The following DMD variants were observed in gnomAD, a reference collection of about 807,000 sequenced individuals.
DMD encodes the protein mutant dystrophin.
A neutral mutation model predicts 330.1 loss-of-function variants in DMD; 63 were observed. That is an observed-to-expected ratio of 0.19 (90% CI 0.16 to 0.24). DMD has a LOEUF of 0.24. DMD is among the 10% of genes least tolerant of loss of function. The pLI, the probability that DMD is intolerant of heterozygous loss-of-function variation, is 1.00. For missense variants in DMD, 3,344 were observed against 2,684.1 expected, an observed-to-expected ratio of 1.25 and a Z score of -5.43; for synonymous variants, 1,223 against 959.8, an observed-to-expected ratio of 1.27 and a Z score of -5.07.
intron 44 of DMD, chrX:32,151,288 G>A (rs1231346591): frequency 1.8e-5 from 2 of 111,497 alleles, no homozygotes; most frequent in East Asian, 2.8e-4. Flanking sequence ...GCTAAGAAAC[G>A]GATAGGATGA....
chrX:31,389,497 T>C (rs777519825), intron 60 of DMD, among the ~76,000 whole-genome samples: 2 of 112,092 alleles, frequency 1.8e-5, no homozygotes, highest in Admixed American at 9.5e-5. Flanking sequence ...ATGAACAATA[T>C]TTACCATTCC....
intron 44 of DMD, among the ~76,000 whole-genome samples, chrX:32,191,348 A>G (rs1001154582): frequency 8.9e-6 from 1 of 112,088 alleles, no homozygotes; most frequent in African/African-American, 3.2e-5. Flanking sequence ...TAGATGACAC[A>G]GCGTCGAGGC....
intron 16 of DMD, among the ~76,000 whole-genome samples, chrX:32,553,053 A>G (rs1408400630): frequency 1.8e-5 from 2 of 111,955 alleles, no homozygotes; most frequent in African/African-American, 3.2e-5. Context: ...CGACCCAGCA[A>G]TAACAATTAT....
chrX:33,282,050 T>A (rs2053341698), intron 1 of DMD, among the ~76,000 whole-genome samples: 1 of 109,903 alleles, frequency 9.1e-6, no homozygotes, highest in South Asian at 4.0e-4. Context: ...CTCATGGCCA[T>A]AGCGTCCAAC....
At chrX:32,051,693 T>C (rs1250743391) in intron 44 of DMD, among the ~76,000 whole-genome samples, 1 of 111,098 alleles carries the variant, frequency 9.0e-6, no homozygotes, top group Non-Finnish European at 1.9e-5. Context: ...AACTAAAATA[T>C]TTTCATGTGC....
chrX:32,787,237 TGTGTGTGTGTGA>T (rs1468771546), intron 7 of DMD, among the ~76,000 whole-genome samples: 3 of 100,918 alleles, frequency 3.0e-5, no homozygotes, highest in Non-Finnish European at 4.1e-5. Flanking sequence ...TGTGTGTGTG[TGTGTGTGTGTGA>T]GAGAGAGAGA....
intron 63 of DMD, among the ~76,000 whole-genome samples, chrX:31,243,948 T>C (rs2048592851): frequency 9.7e-6 from 1 of 102,856 alleles, no homozygotes; most frequent in Non-Finnish European, 2.0e-5. Flanking sequence ...GGCCAGAAAA[T>C]GTAACTGAAG....
intron 1 of DMD, among the ~76,000 whole-genome samples, chrX:33,085,746 A>T (rs2094995486): frequency 9.0e-6 from 1 of 111,572 alleles, no homozygotes; most frequent in South Asian, 3.7e-4. Flanking sequence ...ATGTTCTGAG[A>T]CATTCAGTAT....
At chrX:32,593,348 A>AT (rs1419457325) in intron 13 of DMD, among the ~76,000 whole-genome samples, 1 of 112,571 alleles carries the variant, frequency 8.9e-6, no homozygotes, top group African/African-American at 3.2e-5. Context: ...ACAAAAGCTT[A>AT]TTTTTTGCCT....
At chrX:33,038,630 T>A (rs1375790414) in intron 1 of DMD, among the ~76,000 whole-genome samples, 1 of 111,734 alleles carries the variant, frequency 8.9e-6, no homozygotes, top group East Asian at 2.8e-4. Context: ...TTTGAAGGAA[T>A]GTAATTGAGT....
At chrX:31,264,006 C>T (rs1183667400) in intron 62 of DMD, among the ~76,000 whole-genome samples, 1 of 112,378 alleles carries the variant, frequency 8.9e-6, no homozygotes, top group Non-Finnish European at 1.9e-5. Context: ...CACTGGGACA[C>T]ATTTAACCCT....
At chrX:32,230,297 T>C (rs1461818661) in intron 43 of DMD, among the ~76,000 whole-genome samples, 5 of 112,320 alleles carry the variant, frequency 4.5e-5, no homozygotes, top group Non-Finnish European at 9.4e-5. Flanking sequence ...CAGGCTGGAG[T>C]GCAGCGGCGC....
At chrX:33,072,336 T>A (rs1043969081) in intron 1 of DMD, among the ~76,000 whole-genome samples, 1 of 111,799 alleles carries the variant, frequency 8.9e-6, no homozygotes, top group Non-Finnish European at 1.9e-5. Flanking sequence ...GAGAATCATT[T>A]GAACCTGGGA....
intron 7 of DMD, among the ~76,000 whole-genome samples, chrX:32,729,921 C>T (rs977752182): frequency 8.9e-6 from 1 of 111,934 alleles, no homozygotes; most frequent in Non-Finnish European, 1.9e-5. Context: ...AGTAGCACAG[C>T]CTCTGCTCTA....
chrX:33,010,222 ATG>A (rs1177276769), intron 2 of DMD, among the ~76,000 whole-genome samples: 1 of 106,800 alleles, frequency 9.4e-6, no homozygotes, highest in Non-Finnish European at 1.9e-5. Context: ...ATATGTACAT[ATG>A]TGTGTATATA....
At chrX:31,871,971 A>G (rs745857699) in intron 48 of DMD, among the ~76,000 whole-genome samples, 5 of 109,029 alleles carry the variant, frequency 4.6e-5, no homozygotes, top group African/African-American at 1.7e-4. Flanking sequence ...AAAGAGGGAT[A>G]AAAAACAAGG....
At chrX:33,230,450 A>G (rs964264569) in intron 1 of DMD, among the ~76,000 whole-genome samples, 2 of 111,494 alleles carry the variant, frequency 1.8e-5, no homozygotes, top group African/African-American at 6.5e-5. Flanking sequence ...CATTTTTAAA[A>G]ATAAATATAT....
At chrX:32,915,096 TA>T (rs1463668867) in intron 2 of DMD, among the ~76,000 whole-genome samples, 1 of 110,457 alleles carries the variant, frequency 9.1e-6, no homozygotes, top group Non-Finnish European at 1.9e-5. Context: ...ATAAAACATT[TA>T]AAAATATTAC....
chrX:31,219,833 T>TATACAC (rs2045795712), intron 64 of DMD, among the ~76,000 whole-genome samples: 1 of 100,326 alleles, frequency 1.0e-5, no homozygotes, highest in South Asian at 5.0e-4. Context: ...GATCAATGTA[T>TATACAC]ACACACACAC....
Sources: gnomAD v4.1 joint callset for allele counts (sites outside exome capture counted in the v4.1 genomes callset) on GRCh38, gnomAD v4.1.1 for gene constraint, MANE v1.5 for transcripts, NCBI Gene and HGNC (gene_info 2026-07-23, HGNC 2026-07-21) for gene names.